MALRD1: variants seen among roughly 807,000 people sequenced by gnomAD.
MALRD1 encodes the protein MAM and LDL receptor class A domain containing 1, also known as MAM and LDL-receptor class A domain-containing protein 1.
A neutral mutation model predicts 242.1 loss-of-function variants in MALRD1; 247 were observed. The ratio of observed to expected loss-of-function variants is 1.02; its 90% CI spans 0.92 to 1.13. The LOEUF (loss-of-function observed/expected upper bound fraction) is 1.13, where lower values mean the gene tolerates loss of function less well. MALRD1 is among the 50% of genes most tolerant of loss of function. The pLI is 0.00. For missense variants in MALRD1, 2,989 were observed against 2,533.1 expected (o/e 1.18, Z -3.86); for synonymous variants, 995 against 866.6 (o/e 1.15, Z -2.60).
intron 28 of MALRD1, among the ~76,000 whole-genome samples, chr10:19,448,728 A>G (rs7072407): frequency 0.028 from 4,254 of 152,064 alleles, 203 homozygotes; most frequent in African/African-American, 0.095. Context: ...TAGAAAATTA[A>G]TTTTATCTTT....
rs538821435 is a variant in MALRD1, at chr10:19,124,287, A to G, written c.797-237A>G. On this transcript the variant is annotated intron_variant, in intron 6 of 39. Transcript: ENST00000454679. ...CAAAAACTAGGAATCTCCTTTTTCT[A>G]TGGCAATGGGTCACATTTGAGAGGA... Among the ~76,000 whole-genome samples the G allele has an allele frequency of 1.3e-4, 20 of 152,282 alleles. 1 individual carries two copies. The South Asian group carries it at 1.9e-3, about 14-fold the overall frequency.
chr10:19,670,418 T>C (rs1841865497), intron 36 of MALRD1, among the ~76,000 whole-genome samples: 1 of 152,166 alleles, frequency 6.6e-6, no homozygotes, highest in Non-Finnish European at 1.5e-5. Context: ...CCTCCTTCTC[T>C]TCCCAAGAAT....
chr10:19,077,385 G>C (rs894470269), intron 2 of MALRD1, among the ~76,000 whole-genome samples: 1 of 151,902 alleles, frequency 6.6e-6, no homozygotes, highest in Non-Finnish European at 1.5e-5. Context: ...AAAAAGAAAT[G>C]TCTGCCATTT....
chr10:19,607,994 A>C (rs1295407523), intron 35 of MALRD1, 92 bp downstream of exon 35: 1 of 1,424,840 alleles, frequency 7.0e-7, no homozygotes, highest in African/African-American at 1.4e-5. Context: ...GTTCTAAACA[A>C]TGGCAAGCAT....
At chr10:19,533,512 GT>G (rs1834521206) in intron 32 of MALRD1, among the ~76,000 whole-genome samples, 2 of 152,154 alleles carry the variant, frequency 1.3e-5, no homozygotes, top group South Asian at 4.2e-4. Flanking sequence ...AAGGAAATGG[GT>G]TTAATTGGCT....
rs148051208 is a variant in MALRD1, at chr10:19,335,631, A to C, written c.3901+4049A>C. Among the ~76,000 whole-genome samples the C allele has an allele frequency of 2.1e-3, 320 of 152,284 alleles. 1 individual carries two copies. Among genetic ancestry groups the C allele is most frequent in the African/African-American group, 7.5e-3 (310 of 41,558 alleles). On this transcript the variant is annotated intron_variant, in intron 24 of 39. Transcript: ENST00000454679. ...AACCATGTATTTGGGTTTAAATTCC[A>C]CAGTCTCCTTTCTTTGTTTTGTTTT...
rs182683029 is a variant in MALRD1 at position 19,562,047 on chromosome 10, C to T, written c.5479-5455C>T. Among the ~76,000 whole-genome samples the T allele has an allele frequency of 1.3e-3, 198 of 152,274 alleles. 2 individuals are homozygous for T. Among genetic ancestry groups the T allele is most frequent in the Non-Finnish European group, 1.6e-3 (110 of 68,026 alleles). ...GGCGCAGTGGCTTACCCCTTAATCCCAGCACTTTGGCAGGCCAAGGTGGGT... is the reference window on the plus strand; with the variant it reads ...GGCGCAGTGGCTTACCCCTTAATCCTAGCACTTTGGCAGGCCAAGGTGGGT... On this transcript the variant is annotated intron_variant, in intron 32 of 39. Coordinates refer to ENST00000454679, the MANE Select transcript of MALRD1 (RefSeq NM_001142308.3).
intron 32 of MALRD1, among the ~76,000 whole-genome samples, chr10:19,556,932 G>T (rs73595842): frequency 0.062 from 9,393 of 152,090 alleles, 674 homozygotes; most frequent in African/African-American, 0.18. Context: ...GAGTTCCTGT[G>T]GCTCTATATC....
At chr10:19,637,995 G>A (rs2131670016) in intron 36 of MALRD1, among the ~76,000 whole-genome samples, 1 of 151,358 alleles carries the variant, frequency 6.6e-6, no homozygotes, top group South Asian at 2.1e-4. Context: ...CAGCTACTCG[G>A]GAGGCTGAGG....
intron 38 of MALRD1, among the ~76,000 whole-genome samples, chr10:19,719,242 A>C (rs868379568): frequency 8.4e-6 from 1 of 119,754 alleles, no homozygotes; most frequent in Admixed American, 8.7e-5. Context: ...ATATATATAT[A>C]TATATATATA....
At position 19,247,662 on chromosome 10, in the gene MALRD1, A is replaced by G. The variant is rs906199275; in HGVS notation, c.2992-10022A>G. On this transcript the variant is annotated intron_variant, in intron 18 of 39. Coordinates refer to ENST00000454679, the MANE Select transcript of MALRD1 (RefSeq NM_001142308.3). Reference sequence around the variant, plus strand: ...AAAGCATTTCCACATGTAAATAATAAAAAAGATAACATTAACATTATATTT... The same window carrying G: ...AAAGCATTTCCACATGTAAATAATAGAAAAGATAACATTAACATTATATTT... Among the ~76,000 whole-genome samples, 5 of 152,062 alleles carry G rather than the reference A, an allele frequency of 3.3e-5. No homozygotes were observed. The East Asian group carries it at 5.8e-4, about 18-fold the overall frequency.
intron 7 of MALRD1, among the ~76,000 whole-genome samples, chr10:19,125,005 G>C (rs1238338528): frequency 8.2e-6 from 1 of 122,588 alleles, no homozygotes; most frequent in Admixed American, 1.0e-4. Flanking sequence ...GAATGCAGTG[G>C]TGAGATCTCG....
chr10:19,558,150 G>A (rs1201467955), intron 32 of MALRD1, among the ~76,000 whole-genome samples: 1 of 152,008 alleles, frequency 6.6e-6, no homozygotes, highest in Non-Finnish European at 1.5e-5. Context: ...TTTTTTGGTT[G>A]ATTATTGGTT....
At chr10:19,599,445 A>G (rs976567639) in intron 34 of MALRD1, among the ~76,000 whole-genome samples, 1 of 152,156 alleles carries the variant, frequency 6.6e-6, no homozygotes, top group Non-Finnish European at 1.5e-5. Context: ...GTAAAAATAT[A>G]AAAGAAAAGA....
chr10:19,209,350 C>T lies in MALRD1; in HGVS notation c.2661C>T (p.Ser887=). 1.3e-6 allele frequency: 2 copies of T among 1,550,692 alleles called. No homozygotes were observed. Among genetic ancestry groups the T allele is most frequent in the Non-Finnish European group, 1.7e-6 (2 of 1,146,966 alleles). ...AAGATGACTTTGATTGGACCAGGAGCCAGGGTCCAACTCCAACACTTAACA... is the reference window on the plus strand; with the variant it reads ...AAGATGACTTTGATTGGACCAGGAGTCAGGGTCCAACTCCAACACTTAACA... ...DAKDDFDWTR[S]QGPTPTLNTG... is the part of the protein sequence containing the mutation. Residue 887 remains serine (S), a synonymous_variant, in exon 18 of 40, where the codon AGC becomes AGT. Coordinates refer to ENST00000454679, the MANE Select transcript of MALRD1 (RefSeq NM_001142308.3).
intron 28 of MALRD1, among the ~76,000 whole-genome samples, chr10:19,432,238 G>A (rs187085197): frequency 2.3e-3 from 356 of 152,216 alleles, no homozygotes; most frequent in Non-Finnish European, 4.3e-3. Context: ...TTTGTGTTAC[G>A]TAAGATTGAG....
chr10:19,606,744 C>T lies in MALRD1; in HGVS notation c.5945-1033C>T, dbSNP rs533485122. Reference sequence around the variant, plus strand: ...AGAAAAGGGATCAGGCCTGCAACCCCGGCTTCTTGGCTTCCAGGTCCTGAA... The same window carrying T: ...AGAAAAGGGATCAGGCCTGCAACCCTGGCTTCTTGGCTTCCAGGTCCTGAA... On this transcript the variant is annotated intron_variant, in intron 34 of 39. Coordinates refer to ENST00000454679, the MANE Select transcript of MALRD1 (RefSeq NM_001142308.3). Among the ~76,000 whole-genome samples, 10 of 152,124 alleles carry T rather than the reference C, an allele frequency of 6.6e-5. No homozygotes were observed. In the East Asian group the frequency reaches 7.8e-4, roughly 12 times the overall value.
chr10:19,393,154 A>G (rs1846408902), intron 28 of MALRD1, among the ~76,000 whole-genome samples: 1 of 152,184 alleles, frequency 6.6e-6, no homozygotes, highest in South Asian at 2.1e-4. Flanking sequence ...AAGTTAAAAT[A>G]ACTGGGCCCT....
Position 19,180,182 on chromosome 10 carries a change from T to C in MALRD1, c.1951+4854T>C, listed in dbSNP as rs549857665. Among the ~76,000 whole-genome samples the C allele has an allele frequency of 7.9e-5, 12 of 152,224 alleles. 1 individual carries two copies. In the South Asian group the frequency reaches 2.5e-3, roughly 32 times the overall value. ...GAGGAACACAGACATTTTCCAGAAG[T>C]GTGGTGGCGCAAAGAGTTGGAGAGA... On this transcript the variant is annotated intron_variant, in intron 14 of 39. Transcript: ENST00000454679.
Sources: allele counts gnomAD v4.1 joint callset (sites outside exome capture counted in the v4.1 genomes callset), GRCh38; gene constraint gnomAD v4.1.1; transcripts MANE v1.5; gene names NCBI Gene and HGNC (gene_info 2026-07-23, HGNC 2026-07-21).